The following NPSR1 variants were observed in gnomAD, a reference collection of about 807,000 sequenced individuals.
The protein encoded by NPSR1 is neuropeptide S receptor 1.
NPSR1 carries 48 observed loss-of-function variants against 46.9 expected under a neutral mutation model. The observed-to-expected ratio is 1.02, with a 90% CI of 0.81 to 1.30. The LOEUF (loss-of-function observed/expected upper bound fraction) is 1.30, where lower values mean the gene tolerates loss of function less well. NPSR1 is among the 50% of genes most tolerant of loss of function. NPSR1 has a pLI of 0.00. For synonymous variants in NPSR1, 176 were observed against 168.1 expected, an observed-to-expected ratio of 1.05 and a Z score of -0.36; for missense variants, 450 against 449.5, an observed-to-expected ratio of 1.00 and a Z score of -0.01.
At chr7:34,797,139 G>A (rs1267579783) in intron 3 of NPSR1, among the ~76,000 whole-genome samples, 1 of 152,116 alleles carries the variant, frequency 6.6e-6, no homozygotes, top group Non-Finnish European at 1.5e-5. Flanking sequence ...TCTGGAAAAG[G>A]CAAAACTCTG....
At chr7:34,860,738 C>T (rs1372172523) in intron 8 of NPSR1, among the ~76,000 whole-genome samples, 1 of 151,836 alleles carries the variant, frequency 6.6e-6, no homozygotes, top group African/African-American at 2.4e-5. Context: ...CCACTGTACA[C>T]ATGACAGAAC....
Position 34,658,323 on chromosome 7 carries a change from T to C in NPSR1, c.-90T>C. On this transcript the variant is annotated 5_prime_UTR_variant, in exon 1 of 9. Transcript: ENST00000360581. ...GCTCTGTGCCTCCGTTCAGCAGAGC[T>C]GCAGCTGCTGCCCAGCTCTCAGGAG... 6.9e-7 allele frequency: 1 copy of C among 1,447,514 alleles called. No individual in the cohort carries two copies. Among genetic ancestry groups the C allele is most frequent in the Non-Finnish European group, 9.5e-7 (1 of 1,049,040 alleles). 89.7% of individuals were successfully genotyped at this position (1,447,514 alleles called of 1,614,324 possible).
chr7:34,750,840 G>A, intron 2 of NPSR1: 1 of 694,498 alleles, frequency 1.4e-6, no homozygotes, highest in South Asian at 1.4e-5. Flanking sequence ...TTTTCCACCA[G>A]GCTTTGTCTG....
intron 2 of NPSR1, among the ~76,000 whole-genome samples, chr7:34,744,871 T>C (rs1785124648): frequency 2.0e-5 from 3 of 152,244 alleles, no homozygotes; most frequent in Admixed American, 2.0e-4. Flanking sequence ...CAATTGTGAA[T>C]TGAAAATATT....
intron 5 of NPSR1, among the ~76,000 whole-genome samples, chr7:34,830,000 C>T (rs569824742): frequency 2.0e-4 from 30 of 152,322 alleles, no homozygotes; most frequent in African/African-American, 7.2e-4. Flanking sequence ...TTTCGTGGCT[C>T]CCTGCTGCTG....
chr7:34,704,462 C>T (rs1583845217), intron 2 of NPSR1, among the ~76,000 whole-genome samples: 1 of 152,112 alleles, frequency 6.6e-6, no homozygotes, highest in East Asian at 1.9e-4. Flanking sequence ...AGGAATATTT[C>T]TGAAAGGACT....
intron 2 of NPSR1, among the ~76,000 whole-genome samples, chr7:34,692,214 T>C (rs1055721492): frequency 1.3e-5 from 2 of 152,108 alleles, no homozygotes; most frequent in Non-Finnish European, 2.9e-5. Context: ...TAATAGACAT[T>C]TATAGAACAT....
At chr7:34,753,372 T>A (rs1338909728) in intron 2 of NPSR1, 1 of 152,214 alleles carries the variant, frequency 6.6e-6, no homozygotes, top group Non-Finnish European at 1.5e-5. Flanking sequence ...AGAAGTTGAA[T>A]GCTATTCTGA....
At chr7:34,702,442 G>A (rs1237477304) in intron 2 of NPSR1, among the ~76,000 whole-genome samples, 1 of 152,238 alleles carries the variant, frequency 6.6e-6, no homozygotes, top group East Asian at 1.9e-4. Flanking sequence ...TTAAGGAACA[G>A]TCTCTGGCAT....
intron 6 of NPSR1, among the ~76,000 whole-genome samples, chr7:34,843,361 C>T (rs1054933312): frequency 6.6e-5 from 10 of 152,196 alleles, no homozygotes; most frequent in Admixed American, 1.3e-4. Flanking sequence ...AAGCCAAACT[C>T]GTCCATTCCA....
chr7:34,833,945 G>T (rs35311906), intron 5 of NPSR1, among the ~76,000 whole-genome samples: 14,291 of 152,186 alleles, frequency 0.094, 871 homozygotes, highest in East Asian at 0.15. Context: ...CAAGTCACCT[G>T]CTCTTCCCAC....
chr7:34,855,010 G>A (rs1791018904), intron 8 of NPSR1, among the ~76,000 whole-genome samples: 1 of 151,944 alleles, frequency 6.6e-6, no homozygotes, highest in Non-Finnish European at 1.5e-5. Flanking sequence ...AAATAGGTTT[G>A]GAAGTTAGGA....
At chr7:34,699,976 C>A (rs1793736803) in intron 2 of NPSR1, among the ~76,000 whole-genome samples, 1 of 152,130 alleles carries the variant, frequency 6.6e-6, no homozygotes, top group African/African-American at 2.4e-5. Flanking sequence ...GCCACCATCA[C>A]CTTTGATGCA....
chr7:34,796,638 C>T (rs1788185336), intron 3 of NPSR1, among the ~76,000 whole-genome samples: 2 of 152,128 alleles, frequency 1.3e-5, no homozygotes, highest in Non-Finnish European at 2.9e-5. Context: ...TATAGCACTG[C>T]ATATTTATTA....
At chr7:34,740,597 G>A (rs1382880347) in intron 2 of NPSR1, among the ~76,000 whole-genome samples, 1 of 152,164 alleles carries the variant, frequency 6.6e-6, no homozygotes, top group African/African-American at 2.4e-5. Context: ...CTCTACCCCT[G>A]TATTTCACTT....
intron 1 of NPSR1, among the ~76,000 whole-genome samples, chr7:34,662,442 A>T (rs1355895716): frequency 6.6e-6 from 1 of 152,052 alleles, no homozygotes; most frequent in African/African-American, 2.4e-5. Context: ...TTTGCAAGGG[A>T]GCTCCTTCCT....
intron 1 of NPSR1, among the ~76,000 whole-genome samples, chr7:34,668,960 C>A (rs1204565938): frequency 6.6e-6 from 1 of 152,144 alleles, no homozygotes; most frequent in Non-Finnish European, 1.5e-5. Flanking sequence ...ACTCCTAAAG[C>A]TCTGAGACAG....
intron 2 of NPSR1, chr7:34,718,801 A>C (rs1218178483): frequency 1.3e-5 from 2 of 152,246 alleles, no homozygotes; most frequent in African/African-American, 4.8e-5. Flanking sequence ...CTGCACCAAA[A>C]GGGAAAGTCA....
At chr7:34,751,210 G>T in intron 2 of NPSR1, 1 of 1,116,982 alleles carries the variant, frequency 9.0e-7, no homozygotes, top group Non-Finnish European at 1.4e-6. Context: ...AAAGTGGATG[G>T]CCAGATCCCC....
Sources: allele counts gnomAD v4.1 joint callset (sites outside exome capture counted in the v4.1 genomes callset), GRCh38; gene constraint gnomAD v4.1.1; transcripts MANE v1.5; gene names NCBI Gene and HGNC (gene_info 2026-07-23, HGNC 2026-07-21).